Variants in NLRP1 observed in about 807,000 individuals in gnomAD.
The protein encoded by NLRP1 is NLR family pyrin domain containing 1.
NLRP1 carries 94 observed loss-of-function variants against 136.7 expected under a neutral mutation model. The observed-to-expected ratio is 0.69, with a 90% CI of 0.58 to 0.82. NLRP1 has a LOEUF of 0.82. NLRP1 is among the 40% of genes least tolerant of loss of function. The pLI is 0.00. For synonymous variants in NLRP1, 690 were observed against 725.1 expected, an observed-to-expected ratio of 0.95 and a Z score of 0.78; for missense variants, 1,575 against 1,802.7, an observed-to-expected ratio of 0.87 and a Z score of 2.29.
chr17:5,515,663 G>A (rs537228234), intron 15 of NLRP1, 146 bp from the exon 16 acceptor site: 1 of 694,046 alleles, frequency 1.4e-6, no homozygotes, highest in Non-Finnish European at 2.6e-6. Context: ...TGGAGTAAGA[G>A]CTGGAAGGGT....
intron 12 of NLRP1, among the ~76,000 whole-genome samples, chr17:5,523,896 A>G (rs1293822694): frequency 6.6e-6 from 1 of 152,244 alleles, no homozygotes; most frequent in Non-Finnish European, 1.5e-5. Flanking sequence ...GAATTCACCT[A>G]TGAATCTTAC....
At chr17:5,526,052 G>A (rs1329750858) in intron 12 of NLRP1, among the ~76,000 whole-genome samples, 1 of 150,468 alleles carries the variant, frequency 6.6e-6, no homozygotes, top group Non-Finnish European at 1.5e-5. Context: ...ATGACTCACT[G>A]TAGCCTTGAC....
chr17:5,510,685 T>A (rs557209583), downstream of NLRP1, among the ~76,000 whole-genome samples: 514 of 150,526 alleles, frequency 3.4e-3, 3 homozygotes, highest in African/African-American at 0.012. Flanking sequence ...GAAAAAAAAT[T>A]TTTTTTTTTA....
chr17:5,515,873 A>G (rs74343257), intron 15 of NLRP1, among the ~76,000 whole-genome samples: 9,032 of 152,102 alleles, frequency 0.059, 362 homozygotes, highest in South Asian at 0.19. Flanking sequence ...AGATAGCTTG[A>G]ACTATTTAGC....
rs201003290 is a variant in NLRP1, at chr17:5,530,559, C to T, written c.3442G>A (p.Ala1148Thr). 3.1e-6 allele frequency: 5 copies of T among 1,614,242 alleles called. No individual in the cohort carries two copies. Among genetic ancestry groups the T allele is most frequent in the Non-Finnish European group, 4.2e-6 (5 of 1,180,042 alleles). The change falls in exon 12 of 17, where the codon GCA (alanine) becomes ACA (threonine). Residue 1148 changes from alanine to threonine, a missense_variant. Coordinates refer to ENST00000572272, the MANE Select transcript of NLRP1 (RefSeq NM_033004.4). ...EINPQHSWMV[A>T]GPLLDIKAEP... ...GCCTTGATGTCCAGCAGAGGCCCTG[C>T]CACCATCCAGCTGTGCTGTGGGTTG...
intron 12 of NLRP1, among the ~76,000 whole-genome samples, chr17:5,529,276 A>G (rs1023243701): frequency 9.5e-5 from 5 of 52,454 alleles, no homozygotes; most frequent in African/African-American, 6.7e-4. Context: ...TGAATATTCT[A>G]TTTTTTTCCC....
chr17:5,553,514 G>T lies in NLRP1; in HGVS notation c.2400C>A (p.Leu800=). 1 of 1,614,228 alleles carries T rather than the reference G, an allele frequency of 6.2e-7. No individual in the cohort carries two copies. Among genetic ancestry groups the T allele is most frequent in the Non-Finnish European group, 8.5e-7 (1 of 1,180,032 alleles). ...TTCTGGTGACCTTGAGGACGGAGAA[G>T]AGAATCTGCCAATAGGCATCTGTGA... ...VPVTDAYWQI[L]FSVLKVTRNL... The change falls in exon 5 of 17, where the codon CTC becomes CTA. Residue 800 remains leucine, a synonymous_variant. Transcript: ENST00000572272.
intron 3 of NLRP1, among the ~76,000 whole-genome samples, chr17:5,577,889 A>C (rs973870233): frequency 6.6e-6 from 1 of 152,242 alleles, no homozygotes; most frequent in Non-Finnish European, 1.5e-5. Flanking sequence ...CCAAAACAGC[A>C]TGGTACTGGT....
chr17:5,565,156 T>C (rs750244653), intron 3 of NLRP1, among the ~76,000 whole-genome samples: 9 of 152,244 alleles, frequency 5.9e-5, no homozygotes, highest in Non-Finnish European at 1.0e-4. Context: ...AATTTGTTCT[T>C]GCCTGTCTTT....
At chr17:5,536,984 TGGTCCCCA>T (rs1373151713) in intron 7 of NLRP1, 44 bp from the exon 8 acceptor site, 7 of 1,412,594 alleles carry the variant, frequency 5.0e-6, no homozygotes, top group South Asian at 1.1e-5. Context: ...ATCCCCCATG[TGGTCCCCA>T]GGTCCCCAGG....
intron 12 of NLRP1, among the ~76,000 whole-genome samples, chr17:5,524,244 C>A (rs915508452): frequency 2.0e-5 from 3 of 152,222 alleles, no homozygotes; most frequent in African/African-American, 7.2e-5. Context: ...TCTGCGGCAA[C>A]ACCTTTTCCT....
intron 3 of NLRP1, among the ~76,000 whole-genome samples, chr17:5,574,399 GA>G (rs1904784648): frequency 6.6e-6 from 1 of 152,164 alleles, no homozygotes. Context: ...TATTATCCAG[GA>G]GAACTTCCCC....
intron 5 of NLRP1, among the ~76,000 whole-genome samples, chr17:5,546,491 A>G (rs1006284382): frequency 2.0e-5 from 3 of 152,028 alleles, no homozygotes; most frequent in Admixed American, 6.5e-5. Context: ...TCTTTCCGGC[A>G]TTCCTTTTTT....
At position 5,515,068 on chromosome 17, in the gene NLRP1, G is replaced by A; in HGVS notation, c.4108C>T (p.Pro1370Ser). The A allele has an allele frequency of 6.2e-7, 1 of 1,613,476 alleles. No homozygotes were observed. Among genetic ancestry groups the A allele is most frequent in the Non-Finnish European group, 8.5e-7 (1 of 1,179,600 alleles). Residue 1370 changes from proline (P) to serine (S), a missense_variant, in exon 17 of 17, where the codon CCT becomes TCT. By Grantham distance (74) the Pro-to-Ser change is moderately conservative. Transcript: ENST00000572272. ...AACTGCGGGGCATCCAGAGGTGAAG[G>A]TACGGCTGGCAACGAACAAAGAAGG... ...TLIPPARIAVPSPLDAPQLLH... is the reference protein window; with the variant it reads ...TLIPPARIAVSSPLDAPQLLH...
intron 4 of NLRP1, among the ~76,000 whole-genome samples, chr17:5,553,828 T>A (rs1395682823): frequency 6.6e-6 from 1 of 151,350 alleles, no homozygotes; most frequent in Non-Finnish European, 1.5e-5. Context: ...GTCTGGGAGT[T>A]CCTTGAGGGC....
In NLRP1 at chr17:5,533,388, C is replaced by A. The variant is rs1419941352; in HGVS notation, c.3053-4G>T. ...GCAACATGGGAAGCCGCCCTCTCTACAGAAAAAAGAAAAATATCAGCCAGG... is the reference window on the plus strand; with the variant it reads ...GCAACATGGGAAGCCGCCCTCTCTAAAGAAAAAAGAAAAATATCAGCCAGG... On this transcript the variant is annotated splice_region_variant and splice_polypyrimidine_tract_variant and intron_variant, in intron 9 of 16. Transcript: ENST00000572272. 4.8e-6 allele frequency: 5 copies of A among 1,044,048 alleles called. No homozygotes were observed. The highest frequency in any genetic ancestry group is 4.7e-5 in the African/African-American group (3 of 63,306). The allele number at this position is 1,044,048 out of a possible 1,614,324, so 64.7% of individuals were successfully genotyped here.
At chr17:5,512,889 G>A (rs950724968), downstream of NLRP1, among the ~76,000 whole-genome samples, 1 of 152,110 alleles carries the variant, frequency 6.6e-6, no homozygotes, top group South Asian at 2.1e-4. Flanking sequence ...CTTCTTTACC[G>A]CATCTTATCA....
chr17:5,518,887 G>T, intron 14 of NLRP1, among the ~76,000 whole-genome samples: 1 of 146,806 alleles, frequency 6.8e-6, no homozygotes, highest in Non-Finnish European at 1.5e-5. Flanking sequence ...TGACCAGGTT[G>T]GAGTGCAGTG....
At chr17:5,534,626 C>T (rs976120415) in intron 8 of NLRP1, among the ~76,000 whole-genome samples, 4 of 152,168 alleles carry the variant, frequency 2.6e-5, no homozygotes, top group Admixed American at 1.3e-4. Context: ...CTCTGTGGCC[C>T]GCACCACTGC....
Sources: allele counts gnomAD v4.1 joint callset (sites outside exome capture counted in the v4.1 genomes callset), GRCh38; gene constraint gnomAD v4.1.1; transcripts MANE v1.5; gene names NCBI Gene and HGNC (gene_info 2026-07-23, HGNC 2026-07-21).